Variants in MEN1 observed in about 807,000 individuals in gnomAD.
The protein encoded by MEN1 is menin.
Under a neutral mutation model 58.0 loss-of-function variants are expected in MEN1, and 6 were observed. The ratio of observed to expected loss-of-function variants is 0.10; its 90% CI spans 0.06 to 0.20. The LOEUF (loss-of-function observed/expected upper bound fraction) is 0.20. Ranked by LOEUF, MEN1 falls within the 10% of genes least tolerant of loss-of-function variation. The probability of loss-of-function intolerance (pLI) is 1.00; values close to 1 mark genes in which losing one functional copy is unlikely to be tolerated. For synonymous variants in MEN1, 346 were observed against 350.7 expected (o/e 0.99, Z 0.15); for missense variants, 492 against 818.5 (o/e 0.60, Z 4.87).
Position 64,809,871 on chromosome 11 carries a change from A to G in MEN1, c.239T>C (p.Val80Ala). ...GGCGGCGATGATAGACAGGTCGGCCACGGGAAAGTAGGTGAGGCCGCCAGG... is the reference window on the plus strand; with the variant it reads ...GGCGGCGATGATAGACAGGTCGGCCGCGGGAAAGTAGGTGAGGCCGCCAGG... The part of the protein sequence containing the change: ...DPPGGLTYFP[V>A]ADLSIIAALY... Residue 80 changes from valine to alanine, a missense_variant, in exon 2 of 10, where the codon GTG (valine) becomes GCG (alanine). Coordinates refer to ENST00000450708, the MANE Select transcript of MEN1 (RefSeq NM_001370259.2). 6.2e-7 allele frequency: 1 copy of G among 1,604,668 alleles called. No individual in the cohort carries two copies. The highest frequency in any genetic ancestry group is 1.1e-5 in the South Asian group (1 of 90,366).
intron 6 of MEN1, among the ~76,000 whole-genome samples, chr11:64,806,641 A>G (rs1193162974): frequency 6.6e-6 from 1 of 152,198 alleles, no homozygotes; most frequent in African/African-American, 2.4e-5. Flanking sequence ...TCTTCTACAC[A>G]TCACCAAAGA....
At position 64,805,847 on chromosome 11, in the gene MEN1, A is replaced by C. The variant is rs558038982; in HGVS notation, c.1050-77T>G. 66 of 1,508,796 alleles carry C rather than the reference A, an allele frequency of 4.4e-5. No individual in the cohort carries two copies. In the African/African-American group the frequency reaches 8.0e-4, roughly 18 times the overall value. 93.5% of individuals were successfully genotyped at this position (1,508,796 alleles called of 1,614,324 possible). On this transcript the variant is annotated intron_variant, in intron 7 of 9. Coordinates refer to ENST00000450708, the MANE Select transcript of MEN1 (RefSeq NM_001370259.2). ...GGTAGCCCCAGGGACCTGGCGGGGG[A>C]TGGAGCCCCCAGGGGCTGGGGGAGT...
At chr11:64,805,290 C>T in intron 8 of MEN1, 92 bp from the exon 9 acceptor site, 2 of 1,443,216 alleles carry the variant, frequency 1.4e-6, no homozygotes, top group Non-Finnish European at 1.9e-6. Flanking sequence ...GCAAAGACCC[C>T]TGGCTCCAGA....
At position 64,804,920 on chromosome 11, in the gene MEN1, C is replaced by T. The variant is rs1941587836; in HGVS notation, c.1351-104G>A. On this transcript the variant is annotated intron_variant, in intron 9 of 9. Coordinates refer to ENST00000450708, the MANE Select transcript of MEN1 (RefSeq NM_001370259.2). The surrounding 1 kb of genome is among the most constrained non-coding windows in gnomAD (Gnocchi z 4.2). ...CCATCCCACCCAGGGGGTCTCAGTC[C>T]CATCGGCACCCAAGGGGATGGGCAG... The T allele has an allele frequency of 6.3e-7, 1 of 1,597,616 alleles. No homozygotes were observed. The highest frequency in any genetic ancestry group is 1.3e-5 in the African/African-American group (1 of 74,916).
At chr11:64,805,844 G>T in intron 7 of MEN1, 74 bp from the exon 8 acceptor site, 3 of 1,540,908 alleles carry the variant, frequency 1.9e-6, no homozygotes, top group South Asian at 2.2e-5. Context: ...GACCTGGCGG[G>T]GGATGGAGCC....
rs1565648656 is a variant in MEN1 at position 64,808,067 on chromosome 11, C to T, written c.478G>A (p.Ala160Thr). 6.2e-7 allele frequency: 1 copy of T among 1,613,796 alleles called. No individual in the cohort carries two copies. The highest frequency in any genetic ancestry group is 8.5e-7 in the Non-Finnish European group (1 of 1,179,876). Residue 160 changes from alanine to threonine, a missense_variant, in exon 3 of 10, where the codon GCT becomes ACT. Around this residue, in one of 5 missense-constraint regions of MEN1, gnomAD observed 335 missense variants for 550.3 expected, o/e 0.61. Transcript: ENST00000450708. ...AGGGCCTGGCAGGCCCCAACCACAG[C>T]AAAGGCCACACCGGAGCTGTCCAAT... ...TKLDSSGVAF[A>T]VVGACQALGL...
At chr11:64,805,471 C>T (rs117776712) in intron 8 of MEN1, among the ~76,000 whole-genome samples, 164 bp downstream of exon 8, 2 of 152,274 alleles carry the variant, frequency 1.3e-5, no homozygotes, top group Non-Finnish European at 2.9e-5. Flanking sequence ...TCCCGTCCAA[C>T]GTGGGCCCAG....
chr11:64,804,204 G>T lies in MEN1; in HGVS notation c.*130C>A. 2 of 1,217,726 alleles carry T rather than the reference G, an allele frequency of 1.6e-6. No individual in the cohort carries two copies. Among genetic ancestry groups the T allele is most frequent in the Non-Finnish European group, 2.4e-6 (2 of 831,754 alleles). The allele number at this position is 1,217,726 out of a possible 1,614,324, so 75.4% of individuals were successfully genotyped here. On this transcript the variant is annotated 3_prime_UTR_variant, in exon 10 of 10. Transcript: ENST00000450708. This position sits in a 1 kb window ranked among gnomAD's most constrained non-coding sequence, Gnocchi z 4.2. ...TGGGTTTGATACAGACTGTACTCGG[G>T]ACCGGGAACCTAGGGTTTGGGTAGA...
Position 64,804,751 on chromosome 11 carries a change from G to C in MEN1, c.1416C>G (p.Gly472=). The change falls in exon 10 of 10, where the codon GGC becomes GGG. Residue 472 remains glycine (G), a synonymous_variant. Transcript: ENST00000450708. This position sits in a 1 kb window ranked among gnomAD's most constrained non-coding sequence, Gnocchi z 4.2. Reference sequence around the variant, plus strand: ...GCCGCCGGCCTTCCCGGGCTTCCTCGCCCCACGGCTCCTCGGCCTCGGCCG... The same window carrying C: ...GCCGCCGGCCTTCCCGGGCTTCCTCCCCCCACGGCTCCTCGGCCTCGGCCG... The part of the protein sequence containing the change: ...AEAAEAEEPW[G]EEAREGRRRG... 6.3e-7 allele frequency: 1 copy of C among 1,597,094 alleles called. No individual in the cohort carries two copies. The highest frequency in any genetic ancestry group is 8.5e-7 in the Non-Finnish European group (1 of 1,178,754).
In MEN1 at chr11:64,809,864, G is replaced by A. The variant is rs1238113583; in HGVS notation, c.246C>T (p.Asp82=). Residue 82 remains aspartate (D), a synonymous_variant, in exon 2 of 10, where the codon GAC becomes GAT. Coordinates refer to ENST00000450708, the MANE Select transcript of MEN1 (RefSeq NM_001370259.2). ...PGGLTYFPVA[D]LSIIAALYAR... is the part of the protein sequence containing the mutation. ...CATAGAGGGCGGCGATGATAGACAG[G>A]TCGGCCACGGGAAAGTAGGTGAGGC... The A allele has an allele frequency of 6.2e-7, 1 of 1,608,792 alleles. No homozygotes were observed. The highest frequency in any genetic ancestry group is 8.5e-7 in the Non-Finnish European group (1 of 1,177,548).
At position 64,805,022 on chromosome 11, in the gene MEN1, G is replaced by GCTGTCCCTCAC. The variant is rs764570645; in HGVS notation, c.1350+1_1350+11dup. ...CCTGTAGTGCCCAGACCTCTGTGCA[G>GCTGTCCCTCAC]CTGTCCCTCACCTGTCCCTCAAAAC... is the stretch of plus-strand genomic sequence containing the variant. On this transcript the variant is annotated intron_variant, in intron 9 of 9. Transcript: ENST00000450708. 1 of 1,613,138 alleles carries GCTGTCCCTCAC rather than the reference G, an allele frequency of 6.2e-7. No individual in the cohort carries two copies. Among genetic ancestry groups the GCTGTCCCTCAC allele is most frequent in the South Asian group, 1.1e-5 (1 of 91,090 alleles).
chr11:64,806,348 G>C lies in MEN1; in HGVS notation c.933C>G (p.Thr311=). ...LYHKGIASAK[T]YYRDEHIYPY... is the part of the protein sequence containing the mutation. ...GGTAGATGTGTTCATCCCGATAGTA[G>C]GTCTTGGCTGAGGCAATGCCCTGGA... is the stretch of plus-strand genomic sequence containing the variant. The change falls in exon 7 of 10, where the codon ACC becomes ACG. Residue 311 remains threonine, a synonymous_variant. Coordinates refer to ENST00000450708, the MANE Select transcript of MEN1 (RefSeq NM_001370259.2). 1 of 1,614,204 alleles carries C rather than the reference G, an allele frequency of 6.2e-7. No individual in the cohort carries two copies. Among genetic ancestry groups the C allele is most frequent in the South Asian group, 1.1e-5 (1 of 91,090 alleles).
In MEN1 at chr11:64,804,692, G is replaced by A. The variant is rs1025851127; in HGVS notation, c.1475C>T (p.Pro492Leu). 12 of 1,594,912 alleles carry A rather than the reference G, an allele frequency of 7.5e-6. No individual in the cohort carries two copies. The highest frequency in any genetic ancestry group is 1.3e-5 in the African/African-American group (1 of 74,562). The stretch of plus-strand genomic sequence containing the variant: ...CAGTGCTGGCTTCTTGGGCGGCGGG[G>A]GCTCCTCTGGCTTGGACTCCCGCCG... ...GPRRESKPEE[P>L]PPPKKPALDK... The change falls in exon 10 of 10, where the codon CCC (proline) becomes CTC (leucine). Residue 492 changes from proline (P) to leucine (L), a missense_variant. By Grantham distance (98) the Pro-to-Leu change is moderately conservative. This residue lies in a region of MEN1 where 79 missense variants were observed against 82.5 expected (regional missense o/e 0.96). Transcript: ENST00000450708. The surrounding 1 kb of genome is among the most constrained non-coding windows in gnomAD (Gnocchi z 4.2).
At chr11:64,806,969 C>T (rs1477807280) in intron 6 of MEN1, 42 bp downstream of exon 6, 3 of 1,588,720 alleles carry the variant, frequency 1.9e-6, no homozygotes, top group Admixed American at 3.3e-5. Flanking sequence ...GCCTCAGCCA[C>T]TGTTAGGGTC....
In MEN1 at chr11:64,809,858, A is replaced by G. The variant is rs1592658989; in HGVS notation, c.252T>C (p.Ser84=). The change falls in exon 2 of 10, where the codon TCT becomes TCC. Residue 84 remains serine, a synonymous_variant. Transcript: ENST00000450708. ...GLTYFPVADL[S]IIAALYARFT... ...AGCGGGCATAGAGGGCGGCGATGAT[A>G]GACAGGTCGGCCACGGGAAAGTAGG... 7 of 1,610,178 alleles carry G rather than the reference A, an allele frequency of 4.3e-6. No individual in the cohort carries two copies. Among genetic ancestry groups the G allele is most frequent in the Non-Finnish European group, 5.9e-6 (7 of 1,178,332 alleles).
chr11:64,810,571 G>A (rs992230413), upstream of MEN1: 1 of 164,170 alleles, frequency 6.1e-6, no homozygotes, highest in Non-Finnish European at 1.3e-5. Flanking sequence ...AGCCTGCTGG[G>A]ACATGAAGTC....
chr11:64,804,309 C>A lies in MEN1; in HGVS notation c.*25G>T. 1 of 1,614,152 alleles carries A rather than the reference C, an allele frequency of 6.2e-7. No homozygotes were observed. The highest frequency in any genetic ancestry group is 1.1e-5 in the South Asian group (1 of 91,066). ...ACTAAGGGCGGAGCCTGGGTCCCCACAAGCGGTCCGAAGTCCCCAGTAGTT... is the reference window on the plus strand; with the variant it reads ...ACTAAGGGCGGAGCCTGGGTCCCCAAAAGCGGTCCGAAGTCCCCAGTAGTT... On this transcript the variant is annotated 3_prime_UTR_variant, in exon 10 of 10. Coordinates refer to ENST00000450708, the MANE Select transcript of MEN1 (RefSeq NM_001370259.2). The surrounding 1 kb of genome is among the most constrained non-coding windows in gnomAD (Gnocchi z 4.2).
chr11:64,804,252 C>T lies in MEN1; in HGVS notation c.*82G>A, dbSNP rs2136075277. 6.3e-7 allele frequency: 1 copy of T among 1,589,480 alleles called. No homozygotes were observed. The highest frequency in any genetic ancestry group is 2.2e-5 in the East Asian group (1 of 44,778). On this transcript the variant is annotated 3_prime_UTR_variant, in exon 10 of 10. Coordinates refer to ENST00000450708, the MANE Select transcript of MEN1 (RefSeq NM_001370259.2). The surrounding 1 kb of genome is among the most constrained non-coding windows in gnomAD (Gnocchi z 4.2). Reference sequence around the variant, plus strand: ...AGAGGTGAGGCCTGTCCCCTTTGGGCTGGGGGCAGAACATGGGCTCAGAGT... The same window carrying T: ...AGAGGTGAGGCCTGTCCCCTTTGGGTTGGGGGCAGAACATGGGCTCAGAGT...
Position 64,805,680 on chromosome 11 carries a change from G to T in MEN1, c.1140C>A (p.Ala380=). 1 of 1,614,200 alleles carries T rather than the reference G, an allele frequency of 6.2e-7. No individual in the cohort carries two copies. The highest frequency in any genetic ancestry group is 8.5e-7 in the Non-Finnish European group (1 of 1,180,018). The change falls in exon 8 of 10, where the codon GCC becomes GCA. Residue 380 remains alanine, a synonymous_variant. Transcript: ENST00000450708. ...DVIPNLLKEA[A]SLLEAGEERP... is the part of the protein sequence containing the mutation. ...GCTCCTCGCCCGCCTCCAGCAAGCT[G>T]GCTGCCTCCTTCAGCAGGTTGGGGA...
Sources: allele counts gnomAD v4.1 joint callset (sites outside exome capture counted in the v4.1 genomes callset), GRCh38; gene constraint gnomAD v4.1.1; regional missense constraint gnomAD v4.1.1; non-coding constraint Gnocchi (gnomAD v3.1); transcripts MANE v1.5; gene names NCBI Gene and HGNC (gene_info 2026-07-23, HGNC 2026-07-21).